PTPRD: variants seen among roughly 807,000 people sequenced by gnomAD.
PTPRD encodes protein tyrosine phosphatase receptor type D.
A neutral mutation model predicts 214.5 loss-of-function variants in PTPRD; 34 were observed. The observed-to-expected ratio is 0.16, with a 90% CI of 0.12 to 0.21. The LOEUF (loss-of-function observed/expected upper bound fraction) is 0.21, where lower values mean the gene tolerates loss of function less well. PTPRD is among the 10% of genes least tolerant of loss of function. The probability of loss-of-function intolerance (pLI) is 1.00; values close to 1 mark genes in which losing one functional copy is unlikely to be tolerated. For missense variants in PTPRD, 2,545 were observed against 2,398.7 expected, an observed-to-expected ratio of 1.06 and a Z score of -1.27; for synonymous variants, 1,128 against 845.7, an observed-to-expected ratio of 1.33 and a Z score of -5.79.
intron 7 of PTPRD, among the ~76,000 whole-genome samples, chr9:9,658,340 T>G (rs562937415): frequency 6.6e-6 from 1 of 152,278 alleles, no homozygotes; most frequent in Non-Finnish European, 1.5e-5. Context: ...CCGAACTGGG[T>G]TGGCTGTTTC....
chr9:8,917,429 G>A (rs144156606), intron 11 of PTPRD, among the ~76,000 whole-genome samples: 1 of 151,698 alleles, frequency 6.6e-6, no homozygotes, highest in African/African-American at 2.4e-5. Context: ...GAGCCACCGC[G>A]CCCGGCCTAC....
intron 10 of PTPRD, among the ~76,000 whole-genome samples, chr9:9,051,753 G>A (rs962336198): frequency 6.6e-6 from 1 of 152,128 alleles, no homozygotes; most frequent in Admixed American, 6.6e-5. Context: ...AAAGGCAAAG[G>A]CTTTAGGTTT....
intron 26 of PTPRD, among the ~76,000 whole-genome samples, chr9:8,496,632 C>T (rs1301200443): frequency 6.6e-6 from 1 of 152,204 alleles, no homozygotes; most frequent in East Asian, 1.9e-4. Context: ...TGAAGAACAG[C>T]CACTTCTAGT....
chr9:8,517,128 C>T (rs1008651695), intron 21 of PTPRD, among the ~76,000 whole-genome samples: 2 of 151,122 alleles, frequency 1.3e-5, no homozygotes, highest in African/African-American at 4.9e-5. Flanking sequence ...TTAGAAGAGG[C>T]CTGTTATTTT....
chr9:9,362,188 G>T (rs976832443), intron 9 of PTPRD, among the ~76,000 whole-genome samples: 4 of 150,996 alleles, frequency 2.6e-5, no homozygotes, highest in East Asian at 1.9e-4. Flanking sequence ...ATATGTGGTT[G>T]GGAAGTAAGT....
At chr9:9,119,107 G>A (rs1451345187) in intron 10 of PTPRD, among the ~76,000 whole-genome samples, 1 of 152,188 alleles carries the variant, frequency 6.6e-6, no homozygotes, top group East Asian at 1.9e-4. Context: ...TAACAAACTT[G>A]TATGTTCTTT....
chr9:10,195,621 A>G (rs149621810), intron 3 of PTPRD, among the ~76,000 whole-genome samples: 1,587 of 152,276 alleles, frequency 0.01, 32 homozygotes, highest in African/African-American at 0.036. Flanking sequence ...GGTATAATTT[A>G]TCCCTCTGTC....
intron 9 of PTPRD, among the ~76,000 whole-genome samples, chr9:9,332,317 C>T (rs946365773): frequency 2.6e-5 from 4 of 151,894 alleles, no homozygotes; most frequent in African/African-American, 9.7e-5. Flanking sequence ...CACATATATA[C>T]ACTCACAATG....
At chr9:8,838,854 T>A (rs558994902) in intron 11 of PTPRD, among the ~76,000 whole-genome samples, 1 of 151,762 alleles carries the variant, frequency 6.6e-6, no homozygotes, top group Non-Finnish European at 1.5e-5. Context: ...CAAAATCAGA[T>A]TGAAATCATA....
intron 14 of PTPRD, among the ~76,000 whole-genome samples, chr9:8,593,147 A>C (rs1398846332): frequency 6.6e-6 from 1 of 152,202 alleles, no homozygotes; most frequent in Non-Finnish European, 1.5e-5. Context: ...CAGAAGTGTT[A>C]GGAAATCATA....
chr9:9,670,411 T>C (rs1328505353), intron 7 of PTPRD, among the ~76,000 whole-genome samples: 2 of 152,142 alleles, frequency 1.3e-5, no homozygotes, highest in Admixed American at 6.6e-5. Context: ...GGCAAAGTGA[T>C]AGAAAAGAAA....
chr9:8,837,533 C>T (rs1279313386), intron 11 of PTPRD, among the ~76,000 whole-genome samples: 1 of 150,852 alleles, frequency 6.6e-6, no homozygotes, highest in African/African-American at 2.5e-5. Flanking sequence ...GAAGAGGTCT[C>T]ACTCTGTTGC....
chr9:8,420,014 G>C (rs971938799), intron 35 of PTPRD, among the ~76,000 whole-genome samples: 1 of 152,052 alleles, frequency 6.6e-6, no homozygotes, highest in Admixed American at 6.6e-5. Flanking sequence ...TTGAGTGTCA[G>C]AAAAAGAAGA....
At chr9:8,604,326 C>T (rs1056811346) in intron 14 of PTPRD, among the ~76,000 whole-genome samples, 8 of 152,082 alleles carry the variant, frequency 5.3e-5, no homozygotes, top group African/African-American at 1.7e-4. Context: ...TGAGCTAGAT[C>T]TTTTTCAGAG....
intron 9 of PTPRD, among the ~76,000 whole-genome samples, chr9:9,341,038 A>G (rs1045117988): frequency 2.0e-5 from 3 of 152,190 alleles, no homozygotes; most frequent in South Asian, 2.1e-4. Flanking sequence ...AGTTGTAAAT[A>G]TGTTTTTAAG....
chr9:10,127,643 C>G lies in PTPRD; in HGVS notation c.-544-93853G>C, dbSNP rs2098829698. Among the ~76,000 whole-genome samples, 3 of 151,842 alleles carry G rather than the reference C, an allele frequency of 2.0e-5. No individual in the cohort carries two copies. The South Asian group carries it at 6.2e-4, about 32-fold the overall frequency. ...ATCATATTGTTTCTTATCCTTCTAC[C>G]ATCCTGTTATTATTCATCAAATATT... is the stretch of plus-strand genomic sequence containing the variant. On this transcript the variant is annotated intron_variant, in intron 3 of 45. Coordinates refer to ENST00000381196, the MANE Select transcript of PTPRD (RefSeq NM_002839.4).
Position 8,465,510 on chromosome 9 carries a change from C to G in PTPRD, c.3670G>C (p.Glu1224Gln), listed in dbSNP as rs2096528575. 3 of 1,612,416 alleles carry G rather than the reference C, an allele frequency of 1.9e-6. No homozygotes were observed. ...FTNKQLQSGQ[E>Q]YVFFVLAVME... Reference sequence around the variant, plus strand: ...ACTGCTAACACAAAGAAGACATATTCTTGACCACTTTGGAGTTGCTTGTTT... The same window carrying G: ...ACTGCTAACACAAAGAAGACATATTGTTGACCACTTTGGAGTTGCTTGTTT... Residue 1224 changes from glutamate (E) to glutamine (Q), a missense_variant, in exon 32 of 46, where the codon GAA (glutamate) becomes CAA (glutamine). Physicochemically the swap from Glu to Gln is conservative, Grantham distance 29. Coordinates refer to ENST00000381196, the MANE Select transcript of PTPRD (RefSeq NM_002839.4).
chr9:9,231,274 G>T (rs1473778925), intron 9 of PTPRD, among the ~76,000 whole-genome samples: 1 of 151,990 alleles, frequency 6.6e-6, no homozygotes, highest in African/African-American at 2.4e-5. Context: ...TTAATGACTG[G>T]GAATTAAATT....
chr9:8,397,426 T>A (rs1460172150), intron 36 of PTPRD, among the ~76,000 whole-genome samples: 1 of 152,144 alleles, frequency 6.6e-6, no homozygotes, highest in Non-Finnish European at 1.5e-5. Context: ...CATTAGAAAA[T>A]GTTGGATAGA....
Sources: allele counts gnomAD v4.1 joint callset (sites outside exome capture counted in the v4.1 genomes callset), GRCh38; gene constraint gnomAD v4.1.1; transcripts MANE v1.5; gene names NCBI Gene and HGNC (gene_info 2026-07-23, HGNC 2026-07-21).